UTP20: variants seen among roughly 807,000 people sequenced by gnomAD.
UTP20 encodes the protein small subunit processome component 20 homolog.
A neutral mutation model predicts 329.5 loss-of-function variants in UTP20; 164 were observed. That is an observed-to-expected ratio of 0.50 (90% CI 0.44 to 0.57). The LOEUF (loss-of-function observed/expected upper bound fraction) is 0.57, where lower values mean the gene tolerates loss of function less well. UTP20 is among the 20% of genes least tolerant of loss of function. The pLI is 0.00. For synonymous variants in UTP20, 1,151 were observed against 1,159.3 expected, an observed-to-expected ratio of 0.99 and a Z score of 0.14; for missense variants, 3,055 against 3,284.2, an observed-to-expected ratio of 0.93 and a Z score of 1.71.
At chr12:101,366,813 C>A in intron 47 of UTP20, 114 bp downstream of exon 47, 3 of 1,338,422 alleles carry the variant, frequency 2.2e-6, no homozygotes, top group Non-Finnish European at 3.0e-6. Flanking sequence ...ACTGTAAATA[C>A]ATTTTAGATT....
chr12:101,368,801 G>A (rs756010725), intron 48 of UTP20, among the ~76,000 whole-genome samples: 2 of 152,164 alleles, frequency 1.3e-5, no homozygotes, highest in South Asian at 2.1e-4. Context: ...CCTAGGTGCC[G>A]AGAGGTTAAG....
At chr12:101,360,451 A>G (rs574045472) in intron 43 of UTP20, among the ~76,000 whole-genome samples, 1 of 152,306 alleles carries the variant, frequency 6.6e-6, no homozygotes, top group South Asian at 2.1e-4. Context: ...CAGTGTCCCA[A>G]TAAATCCATC....
chr12:101,371,187 T>A lies in UTP20; in HGVS notation c.6798+19T>A. 20 of 1,572,286 alleles carry A rather than the reference T, an allele frequency of 1.3e-5. No individual in the cohort carries two copies. The highest frequency in any genetic ancestry group is 1.6e-5 in the Non-Finnish European group (19 of 1,155,028). ...TAGACAGGTTTGTAGAGAGCACTTA[T>A]CCCCATAGCAAGGGCTGGGCCCTGC... is the stretch of plus-strand genomic sequence containing the variant. On this transcript the variant is annotated intron_variant, in intron 51 of 61. Transcript: ENST00000261637.
intron 6 of UTP20, 148 bp downstream of exon 6, chr12:101,289,189 C>T: frequency 1.5e-6 from 1 of 659,430 alleles, no homozygotes; most frequent in Non-Finnish European, 2.5e-6. Context: ...CCAGCCTGAC[C>T]AACATGGCAA....
At position 101,356,866 on chromosome 12, in the gene UTP20, G is replaced by A; in HGVS notation, c.5535-60G>A. On this transcript the variant is annotated intron_variant, in intron 42 of 61. Transcript: ENST00000261637. ...GAGTAATTAAGAGACTAAAGGATAT[G>A]TGTATGTTTAATTGCTTCTGTTTAT... 8.4e-6 allele frequency: 13 copies of A among 1,544,136 alleles called. No individual in the cohort carries two copies. The South Asian group carries it at 1.6e-4, about 19-fold the overall frequency.
intron 19 of UTP20, among the ~76,000 whole-genome samples, chr12:101,310,315 C>T (rs182029034): frequency 5.3e-5 from 8 of 152,144 alleles, no homozygotes; most frequent in African/African-American, 1.9e-4. Flanking sequence ...GTGACTCATG[C>T]CTGTAATCCC....
intron 56 of UTP20, among the ~76,000 whole-genome samples, chr12:101,377,476 G>A (rs188755405): frequency 3.4e-4 from 51 of 152,114 alleles, no homozygotes; most frequent in African/African-American, 1.1e-3. Flanking sequence ...GACTACAGGC[G>A]TGTGCCACCA....
intron 41 of UTP20, among the ~76,000 whole-genome samples, chr12:101,356,287 C>G (rs368034242): frequency 6.6e-6 from 1 of 152,044 alleles, no homozygotes; most frequent in Non-Finnish European, 1.5e-5. Context: ...CCACCACGCC[C>G]GGCTAATTTT....
intron 38 of UTP20, among the ~76,000 whole-genome samples, chr12:101,347,485 T>C (rs1869365347): frequency 6.6e-6 from 1 of 152,040 alleles, no homozygotes; most frequent in Non-Finnish European, 1.5e-5. Context: ...ATTACGCTAC[T>C]GCACTCCAGC....
intron 19 of UTP20, among the ~76,000 whole-genome samples, chr12:101,310,577 C>CAAAAAAAAAAAAAAAAAAAAAAA (rs549641642): frequency 1.4e-4 from 6 of 44,362 alleles, no homozygotes; most frequent in South Asian, 9.1e-4. Context: ...CTCTGTCTCC[C>CAAAAAAAAAAAAAAAAAAAAAAA]AAAAAAAAAA....
chr12:101,340,636 T>C (rs1869092073), intron 32 of UTP20, 26 bp downstream of exon 32: 1 of 1,497,702 alleles, frequency 6.7e-7, no homozygotes, highest in African/African-American at 1.4e-5. Flanking sequence ...ACACTTAACT[T>C]TGTCTCTAGA....
In UTP20 at chr12:101,317,645, C is replaced by T. The variant is rs774141567; in HGVS notation, c.2720C>T (p.Thr907Met). The T allele has an allele frequency of 9.9e-6, 16 of 1,611,306 alleles. No individual in the cohort carries two copies. The highest frequency in any genetic ancestry group is 1.1e-5 in the Non-Finnish European group (13 of 1,179,036). Residue 907 changes from threonine (T) to methionine (M), a missense_variant, in exon 22 of 62, where the codon ACG (threonine) becomes ATG (methionine). This residue lies in a region of UTP20 where 2,445 missense variants were observed against 2,575.5 expected (regional missense o/e 0.95). Transcript: ENST00000261637. ...GATGAATCCTCACAGAAGAAAAAGACGAGGAGAGCTGCAGCAAAGTAAGTT... is the reference window on the plus strand; with the variant it reads ...GATGAATCCTCACAGAAGAAAAAGATGAGGAGAGCTGCAGCAAAGTAAGTT... ...PQDESSQKKK[T>M]RRAAAKQLIA...
In UTP20 at chr12:101,369,748, A is replaced by G. The variant is rs1334670287; in HGVS notation, c.6412A>G (p.Ile2138Val). The G allele has an allele frequency of 6.3e-7, 1 of 1,596,574 alleles. No homozygotes were observed. The highest frequency in any genetic ancestry group is 8.6e-7 in the Non-Finnish European group (1 of 1,164,176). Reference protein sequence around the residue: ...KVITGALQCLIWVLRFPLPSI... With the variant: ...KVITGALQCLVWVLRFPLPSI... The stretch of plus-strand genomic sequence containing the variant: ...GATCACAGGTGCTTTACAGTGCCTC[A>G]TCTGGGTCTTGAGGTTCCCGCTACC... The change falls in exon 49 of 62, where the codon ATC becomes GTC. Residue 2138 changes from isoleucine to valine, a missense_variant. Ile to Val is a conservative substitution (Grantham distance 29). Transcript: ENST00000261637.
intron 18 of UTP20, among the ~76,000 whole-genome samples, chr12:101,308,943 C>A (rs970233526): frequency 6.6e-6 from 1 of 152,030 alleles, no homozygotes; most frequent in Non-Finnish European, 1.5e-5. Context: ...CCGTGTTAGC[C>A]AGGATGGTCT....
In UTP20 at chr12:101,383,102, ATAAGCAAAG is replaced by A; in HGVS notation, c.7723_7731del (p.Gln2575_Lys2577del). ...TATTTACTGGAACTTTATTGTGAGG[ATAAGCAAAG>A]TAAGATAAAAGAAGACCTGGAAGAA... On this transcript the variant is annotated inframe_deletion, in exon 59 of 62. Transcript: ENST00000261637. The A allele has an allele frequency of 6.2e-7, 1 of 1,613,604 alleles. No homozygotes were observed. The highest frequency in any genetic ancestry group is 1.3e-5 in the African/African-American group (1 of 74,970).
chr12:101,307,197 GA>G (rs1157789634), intron 17 of UTP20, among the ~76,000 whole-genome samples: 3 of 143,832 alleles, frequency 2.1e-5, no homozygotes, highest in Non-Finnish European at 4.6e-5. Flanking sequence ...AAAAAAAATT[GA>G]TTTTTTTTTT....
At chr12:101,280,815 T>C (rs928431956) in intron 1 of UTP20, among the ~76,000 whole-genome samples, 1 of 152,166 alleles carries the variant, frequency 6.6e-6, no homozygotes, top group Admixed American at 6.5e-5. Context: ...CCCATGCTTA[T>C]GGGAGGGTAT....
chr12:101,288,105 A>G (rs1245199764), intron 5 of UTP20, among the ~76,000 whole-genome samples: 1 of 152,184 alleles, frequency 6.6e-6, no homozygotes, highest in African/African-American at 2.4e-5. Flanking sequence ...CCAAGCTTGT[A>G]TGACTTGAGC....
intron 32 of UTP20, among the ~76,000 whole-genome samples, chr12:101,341,446 C>T (rs1869133050): frequency 6.6e-6 from 1 of 152,190 alleles, no homozygotes; most frequent in South Asian, 2.1e-4. Flanking sequence ...AGTAGTGATA[C>T]TAAACATTTC....
Sources: gnomAD v4.1 joint callset for allele counts (sites outside exome capture counted in the v4.1 genomes callset) on GRCh38, gnomAD v4.1.1 for gene constraint, gnomAD v4.1.1 regional missense constraint, MANE v1.5 for transcripts, NCBI Gene and HGNC (gene_info 2026-07-23, HGNC 2026-07-21) for gene names.